Variants in ZNF107 observed in about 807,000 individuals in gnomAD.
ZNF107 encodes the protein C2H2 type zinc-finger protein.
A neutral mutation model predicts 12.3 loss-of-function variants in ZNF107; 19 were observed. That is an observed-to-expected ratio of 1.55 (90% CI 1.08 to 2.27). The LOEUF (loss-of-function observed/expected upper bound fraction) is 2.27, where lower values mean the gene tolerates loss of function less well. ZNF107 is among the 30% of genes most tolerant of loss of function. The probability of loss-of-function intolerance (pLI) is 0.00; values close to 1 mark genes in which losing one functional copy is unlikely to be tolerated. For missense variants in ZNF107, 958 were observed against 979.9 expected, an observed-to-expected ratio of 0.98 and a Z score of 0.30; for synonymous variants, 317 against 330.5, an observed-to-expected ratio of 0.96 and a Z score of 0.44.
intron 1 of ZNF107, among the ~76,000 whole-genome samples, chr7:64,674,124 G>GT (rs72574121): frequency 0.011 from 1,586 of 147,058 alleles, 38 homozygotes; most frequent in African/African-American, 0.034. Flanking sequence ...TAAAATAGGT[G>GT]TTTTTTTTTT....
intron 3 of ZNF107, among the ~76,000 whole-genome samples, chr7:64,700,904 C>G (rs1235339613): frequency 1.3e-5 from 2 of 152,050 alleles, no homozygotes; most frequent in East Asian, 3.9e-4. Context: ...TTAATACAGT[C>G]TATAATGTTT....
rs780254223 is a variant in ZNF107, at chr7:64,707,535, C to T, written c.1438C>T (p.Pro480Ser). Residue 480 changes from proline (P) to serine (S), a missense_variant, in exon 4 of 4, where the codon CCA (proline) becomes TCA (serine). Pro to Ser is a moderately conservative substitution (Grantham distance 74, BLOSUM62 -1). Transcript: ENST00000620827. Reference sequence around the variant, plus strand: ...TAGGAAAATTTATTCTGGAGAGAAACCATACAAATGTGAAGAATGTGGAAA... The same window carrying T: ...TAGGAAAATTTATTCTGGAGAGAAATCATACAAATGTGAAGAATGTGGAAA... ...NHRKIYSGEK[P>S]YKCEECGKAF... The T allele has an allele frequency of 1.9e-6, 3 of 1,613,246 alleles. No homozygotes were observed. The African/African-American group carries it at 4.0e-5, about 22-fold the overall frequency.
At chr7:64,685,451 C>T (rs922360967) in intron 1 of ZNF107, among the ~76,000 whole-genome samples, 1 of 152,198 alleles carries the variant, frequency 6.6e-6, no homozygotes, top group African/African-American at 2.4e-5. Flanking sequence ...GGCAGGCATA[C>T]GCACTGCATG....
chr7:64,680,176 T>C (rs1340648043), intron 1 of ZNF107, among the ~76,000 whole-genome samples: 1 of 152,012 alleles, frequency 6.6e-6, no homozygotes, highest in African/African-American at 2.4e-5. Flanking sequence ...TATTTCCCCT[T>C]TGAGAGGTGG....
intron 1 of ZNF107, among the ~76,000 whole-genome samples, 185 bp downstream of exon 1, chr7:64,666,470 A>G (rs1789008637): frequency 6.6e-6 from 1 of 151,998 alleles, no homozygotes; most frequent in African/African-American, 2.4e-5. Context: ...AGTCCCCTTC[A>G]GCCGTAAGAT....
intron 1 of ZNF107, among the ~76,000 whole-genome samples, chr7:64,666,598 C>T (rs528849332): frequency 3.9e-5 from 6 of 152,308 alleles, no homozygotes; most frequent in African/African-American, 1.2e-4. Context: ...CATCTCTCCC[C>T]GATTGTGCAG....
chr7:64,674,099 G>T (rs868618966), intron 1 of ZNF107, among the ~76,000 whole-genome samples: 1 of 150,336 alleles, frequency 6.7e-6, no homozygotes, highest in Non-Finnish European at 1.5e-5. Context: ...GCTCTTTGTT[G>T]TTCCATATGA....
intron 1 of ZNF107, chr7:64,690,506 GAGA>G (rs1790079704): frequency 1.0e-6 from 1 of 982,394 alleles, no homozygotes; most frequent in Non-Finnish European, 1.2e-6. Flanking sequence ...ATTCCACAAG[GAGA>G]TAAATGGGAA....
rs1246190276 is a variant in ZNF107, at chr7:64,711,325, G to A, written c.*2669G>A. 1 of 152,128 alleles carries A rather than the reference G, an allele frequency of 6.6e-6. No homozygotes were observed. The highest frequency in any genetic ancestry group is 1.5e-5 in the Non-Finnish European group (1 of 68,022). The allele number at this position is 152,128 out of a possible 1,614,324, so 9.4% of individuals were successfully genotyped here. A position where few individuals can be genotyped will look rare whatever the true frequency, so the allele number is the denominator to read the frequency against. The stretch of plus-strand genomic sequence containing the variant: ...CTTAATTTTTGTGGATACATAGTAT[G>A]TGTATATCTTTATGCCATGTATGGC... On this transcript the variant is annotated 3_prime_UTR_variant, in exon 4 of 4. Coordinates refer to ENST00000620827, the MANE Select transcript of ZNF107 (RefSeq NM_001282359.2).
chr7:64,694,041 A>G (rs999816412), intron 3 of ZNF107, among the ~76,000 whole-genome samples: 1 of 151,766 alleles, frequency 6.6e-6, no homozygotes, highest in African/African-American at 2.4e-5. Flanking sequence ...ACCCATCTCT[A>G]CCGCCCAAAG....
At chr7:64,696,643 C>T (rs1790298331) in intron 3 of ZNF107, among the ~76,000 whole-genome samples, 1 of 150,992 alleles carries the variant, frequency 6.6e-6, no homozygotes. Context: ...CCATTTTACC[C>T]CTTTTCCAGC....
chr7:64,706,200 G>C, intron 3 of ZNF107, 124 bp from the exon 4 acceptor site: 2 of 876,312 alleles, frequency 2.3e-6, no homozygotes, highest in East Asian at 2.9e-5. Context: ...GAAGAAATTA[G>C]AGCCTGTGGT....
intron 1 of ZNF107, chr7:64,690,273 CAGG>C: frequency 1.4e-6 from 1 of 710,582 alleles, no homozygotes; most frequent in South Asian, 6.3e-5. Flanking sequence ...TAGAAAACCC[CAGG>C]AGATTTGTTT....
In ZNF107 at chr7:64,707,592, CAT is replaced by C. The variant is rs770395184; in HGVS notation, c.1497_1498del (p.His499GlnfsTer13). 1.2e-6 allele frequency: 2 copies of C among 1,612,900 alleles called. No individual in the cohort carries two copies. Among genetic ancestry groups the C allele is most frequent in the Non-Finnish European group, 1.7e-6 (2 of 1,179,570 alleles). ...TAATCGATCCTCAACCCTTACTAGA[CAT>C]AAGAAAATTCATACTGGAGAGAAAC... ...AFNRSSTLTR[H>X]KKIHTGEKPY... On this transcript the variant is annotated frameshift_variant, in exon 4 of 4. Coordinates refer to ENST00000620827, the MANE Select transcript of ZNF107 (RefSeq NM_001282359.2). LOFTEE classifies it low-confidence loss of function (END_TRUNC).
chr7:64,688,713 T>C (rs1397125212), intron 1 of ZNF107, among the ~76,000 whole-genome samples: 1 of 152,214 alleles, frequency 6.6e-6, no homozygotes, highest in Non-Finnish European at 1.5e-5. Context: ...CAAATTCTTT[T>C]AGTTATAAGG....
chr7:64,700,332 A>T (rs1790432989), intron 3 of ZNF107, among the ~76,000 whole-genome samples: 1 of 152,042 alleles, frequency 6.6e-6, no homozygotes, highest in South Asian at 2.1e-4. Context: ...ATTCATTAAA[A>T]TAAACTAGCT....
intron 3 of ZNF107, among the ~76,000 whole-genome samples, chr7:64,695,110 A>G (rs1790244250): frequency 6.6e-6 from 1 of 151,982 alleles, no homozygotes; most frequent in African/African-American, 2.4e-5. Context: ...CCAAATAAAT[A>G]TATATATACA....
intron 3 of ZNF107, among the ~76,000 whole-genome samples, chr7:64,696,299 C>T (rs148413723): frequency 0.013 from 2,033 of 152,018 alleles, 25 homozygotes; most frequent in Non-Finnish European, 0.019. Context: ...CCACCCGCCT[C>T]GGCCTTTCAA....
At chr7:64,675,444 A>T (rs1284803046) in intron 1 of ZNF107, among the ~76,000 whole-genome samples, 1 of 152,090 alleles carries the variant, frequency 6.6e-6, no homozygotes, top group Non-Finnish European at 1.5e-5. Context: ...GGTCAGTGGT[A>T]ATGCTTCTTT....
Sources: allele counts gnomAD v4.1 joint callset (sites outside exome capture counted in the v4.1 genomes callset), GRCh38; gene constraint gnomAD v4.1.1; transcripts MANE v1.5; gene names NCBI Gene and HGNC (gene_info 2026-07-23, HGNC 2026-07-21).